STX18: variants seen among roughly 807,000 people sequenced by gnomAD.
STX18 encodes syntaxin-18.
Under a neutral mutation model 50.1 loss-of-function variants are expected in STX18, and 40 were observed. That is an observed-to-expected ratio of 0.80 (90% CI 0.62 to 1.04). The LOEUF is 1.04. Among genes scored for constraint, STX18 ranks in the 50% least tolerant of loss-of-function variants. STX18 has a pLI of 0.00. For missense variants in STX18, 410 were observed against 415.8 expected (o/e 0.99, Z 0.12); for synonymous variants, 158 against 151.8 (o/e 1.04, Z -0.30).
intron 1 of STX18, among the ~76,000 whole-genome samples, chr4:4,480,307 C>G (rs1294182468): frequency 6.6e-6 from 1 of 152,178 alleles, no homozygotes; most frequent in Non-Finnish European, 1.5e-5. Flanking sequence ...ATTACCTTCC[C>G]CTTTAACCCA....
intron 2 of STX18, among the ~76,000 whole-genome samples, chr4:4,468,184 C>G (rs1269800679): frequency 6.6e-6 from 1 of 152,158 alleles, no homozygotes; most frequent in African/African-American, 2.4e-5. Context: ...CTGCAGAAAC[C>G]CTTTTTTTTC....
At chr4:4,482,629 T>G (rs1368788796) in intron 1 of STX18, among the ~76,000 whole-genome samples, 1 of 152,228 alleles carries the variant, frequency 6.6e-6, no homozygotes, top group Non-Finnish European at 1.5e-5. Flanking sequence ...TGCAACCACC[T>G]GCGTGCCAGA....
At chr4:4,503,168 G>A (rs1346305156) in intron 1 of STX18, among the ~76,000 whole-genome samples, 1 of 152,150 alleles carries the variant, frequency 6.6e-6, no homozygotes, top group Non-Finnish European at 1.5e-5. Flanking sequence ...TGCGTGGGGT[G>A]GCAGTGCCCT....
chr4:4,471,737 T>C (rs749099018), intron 1 of STX18, 31 bp from the exon 2 acceptor site: 4 of 1,445,344 alleles, frequency 2.8e-6, no homozygotes, highest in Admixed American at 2.3e-5. Context: ...CAACAGTTTA[T>C]ATAGATATGT....
chr4:4,459,275 TAAG>T (rs1247984531), intron 3 of STX18, 94 bp downstream of exon 3: 9 of 844,296 alleles, frequency 1.1e-5, no homozygotes, highest in African/African-American at 5.1e-5. Flanking sequence ...TAAATCGAAA[TAAG>T]AAGAGGGAAT....
In STX18 at chr4:4,437,548, T is replaced by C. The variant is rs1725853556; in HGVS notation, c.613+846A>G. ...AACCCTAAATCCAAAACACTTCTGG[T>C]CCCAAGCATTTCAGATAAGAGATAC... On this transcript the variant is annotated intron_variant, in intron 6 of 10. Coordinates refer to ENST00000306200, the MANE Select transcript of STX18 (RefSeq NM_016930.4). 4.3e-6 allele frequency: 4 copies of C among 927,672 alleles called. No homozygotes were observed. In the African/African-American group the frequency reaches 5.3e-5, roughly 12 times the overall value. The allele number at this position is 927,672 out of a possible 1,614,324, so 57.5% of individuals were successfully genotyped here. A position where few individuals can be genotyped will look rare whatever the true frequency, so the allele number is the denominator to read the frequency against.
intron 7 of STX18, among the ~76,000 whole-genome samples, chr4:4,429,395 A>G (rs558712755): frequency 6.6e-6 from 1 of 152,316 alleles, no homozygotes; most frequent in South Asian, 2.1e-4. Flanking sequence ...TTCTAATCTA[A>G]TCCTCTTTAC....
chr4:4,435,838 A>G (rs1480491000), intron 6 of STX18, among the ~76,000 whole-genome samples: 1 of 152,234 alleles, frequency 6.6e-6, no homozygotes, highest in South Asian at 2.1e-4. Context: ...TCAATACCAC[A>G]GGCCCCTAGA....
chr4:4,528,686 T>C (rs1730929971), intron 1 of STX18, among the ~76,000 whole-genome samples: 1 of 152,202 alleles, frequency 6.6e-6, no homozygotes, highest in Non-Finnish European at 1.5e-5. Flanking sequence ...CCCCAGGTAC[T>C]AGGAGAACTG....
intron 2 of STX18, chr4:4,461,902 C>T (rs188595884): frequency 5.7e-4 from 259 of 456,216 alleles, no homozygotes; most frequent in African/African-American, 1.9e-3. Flanking sequence ...TCTCTTTTAC[C>T]TACTTAGAGA....
chr4:4,475,154 C>G (rs145334019), intron 1 of STX18, among the ~76,000 whole-genome samples: 1 of 152,284 alleles, frequency 6.6e-6, no homozygotes, highest in African/African-American at 2.4e-5. Flanking sequence ...CAGAGGCCCA[C>G]AAGCACATAA....
chr4:4,525,635 T>A (rs986985403), intron 1 of STX18, among the ~76,000 whole-genome samples: 4 of 152,196 alleles, frequency 2.6e-5, no homozygotes, highest in Non-Finnish European at 5.9e-5. Flanking sequence ...AGAGCCACTG[T>A]GCTAAATACA....
intron 9 of STX18, among the ~76,000 whole-genome samples, chr4:4,422,119 T>C (rs75704536): frequency 0.015 from 2,306 of 152,290 alleles, 49 homozygotes; most frequent in African/African-American, 0.053. Flanking sequence ...TGAATATTAC[T>C]GGGATGGCTT....
intron 1 of STX18, among the ~76,000 whole-genome samples, chr4:4,527,746 G>C (rs1730837123): frequency 8.5e-6 from 1 of 117,164 alleles, no homozygotes; most frequent in Non-Finnish European, 2.0e-5. Context: ...GTAATGCTGA[G>C]CCTAAGGAAG....
chr4:4,513,709 A>C (rs1293928781), intron 1 of STX18, among the ~76,000 whole-genome samples: 2 of 152,350 alleles, frequency 1.3e-5, no homozygotes, highest in East Asian at 3.9e-4. Flanking sequence ...AGCATGGCCA[A>C]TGAAATCTTT....
intron 1 of STX18, among the ~76,000 whole-genome samples, chr4:4,532,296 G>A (rs1731134621): frequency 6.6e-6 from 1 of 152,104 alleles, no homozygotes. Context: ...TCTTTATTCT[G>A]TTTAATGAGC....
rs927777647 is a variant in STX18, at chr4:4,469,969, C to T, written c.236+1670G>A. On this transcript the variant is annotated intron_variant, in intron 2 of 10. Coordinates refer to ENST00000306200, the MANE Select transcript of STX18 (RefSeq NM_016930.4). ...GAATCACAAGCTTTCCCAGCACTCC[C>T]GATCCCTGTTACCTTGGTTCTACTC... 3.9e-5 allele frequency among the ~76,000 whole-genome samples: 6 copies of T among 152,274 alleles called. No homozygotes were observed. In the East Asian group the frequency reaches 7.7e-4, roughly 20 times the overall value.
At chr4:4,435,861 C>A (rs1340701091) in intron 6 of STX18, among the ~76,000 whole-genome samples, 1 of 152,150 alleles carries the variant, frequency 6.6e-6, no homozygotes, top group Non-Finnish European at 1.5e-5. Flanking sequence ...GGACTGCTGC[C>A]GCCCAGGATG....
chr4:4,441,165 A>C (rs756382241), intron 5 of STX18, among the ~76,000 whole-genome samples: 1 of 152,216 alleles, frequency 6.6e-6, no homozygotes, highest in Non-Finnish European at 1.5e-5. Flanking sequence ...ACCTAGCCTT[A>C]GAAGTCAGAA....
Sources: allele counts gnomAD v4.1 joint callset (sites outside exome capture counted in the v4.1 genomes callset), GRCh38; gene constraint gnomAD v4.1.1; transcripts MANE v1.5; gene names NCBI Gene and HGNC (gene_info 2026-07-23, HGNC 2026-07-21).